Variants in TDG observed in about 807,000 individuals in gnomAD.
TDG encodes the protein G/T mismatch-specific thymine DNA glycosylase.
TDG carries 23 observed loss-of-function variants against 46.1 expected under a neutral mutation model. The ratio of observed to expected loss-of-function variants is 0.50; its 90% CI spans 0.36 to 0.71. The LOEUF is 0.71. Among genes scored for constraint, TDG ranks in the 30% least tolerant of loss-of-function variants. The probability of loss-of-function intolerance (pLI) is 0.00; values close to 1 mark genes in which losing one functional copy is unlikely to be tolerated. For missense variants in TDG, 304 were observed against 486.7 expected, an observed-to-expected ratio of 0.62 and a Z score of 3.53; for synonymous variants, 115 against 161.3, an observed-to-expected ratio of 0.71 and a Z score of 2.18.
chr12:103,981,580 A>G (rs533487173), intron 4 of TDG, among the ~76,000 whole-genome samples: 24 of 152,284 alleles, frequency 1.6e-4, no homozygotes, highest in African/African-American at 3.1e-4. Flanking sequence ...GTTGTTATCT[A>G]TAGGCATAGT....
rs2136246368 is a variant in TDG at position 103,987,542 on chromosome 12, G to A, written c.*452G>A. The A allele has an allele frequency of 6.4e-6, 1 of 155,396 alleles. No homozygotes were observed. The highest frequency in any genetic ancestry group is 2.4e-5 in the African/African-American group (1 of 41,644). 9.6% of individuals were successfully genotyped at this position (155,396 alleles called of 1,614,324 possible). A position where few individuals can be genotyped will look rare whatever the true frequency, so the allele number is the denominator to read the frequency against. On this transcript the variant is annotated 3_prime_UTR_variant, in exon 10 of 10. Coordinates refer to ENST00000392872, the MANE Select transcript of TDG (RefSeq NM_003211.6). ...TTTGTATATGAAGTTAAGCCTCAGT[G>A]GAGTCTCATTTGTTAGTTTTTAGTG...
intron 4 of TDG, among the ~76,000 whole-genome samples, chr12:103,981,318 C>T (rs956656138): frequency 1.2e-4 from 17 of 138,058 alleles, no homozygotes; most frequent in Non-Finnish European, 2.0e-4. Flanking sequence ...TCACCACAAT[C>T]TCCACCTCCC....
At chr12:103,966,208 C>T (rs1593504280) in intron 1 of TDG, 148 bp downstream of exon 1, 12 of 1,099,742 alleles carry the variant, frequency 1.1e-5, no homozygotes, top group East Asian at 6.2e-5. Flanking sequence ...CCTGGTCGGC[C>T]TTTCCTTCCC....
At chr12:103,980,697 A>G in intron 3 of TDG, 196 bp from the exon 4 acceptor site, 1 of 482,662 alleles carries the variant, frequency 2.1e-6, no homozygotes, top group Non-Finnish European at 3.6e-6. Flanking sequence ...AAACTTTTAA[A>G]ATAAAGAAAA....
At chr12:103,982,225 C>T (rs1246317068) in intron 4 of TDG, among the ~76,000 whole-genome samples, 11 of 152,248 alleles carry the variant, frequency 7.2e-5, no homozygotes, top group Non-Finnish European at 1.6e-4. Flanking sequence ...CTAATAATAA[C>T]ATATTGTCCC....
chr12:103,970,969 A>G (rs187254201), intron 1 of TDG, among the ~76,000 whole-genome samples: 5 of 152,322 alleles, frequency 3.3e-5, no homozygotes, highest in African/African-American at 4.8e-5. Context: ...TTAAAAAATG[A>G]TACAGATAAA....
chr12:103,976,901 C>T lies in TDG; in HGVS notation c.24-17C>T, dbSNP rs4135084. The T allele has an allele frequency of 1.3e-4, 212 of 1,611,288 alleles. 3 individuals are homozygous for T. In the Admixed American group the frequency reaches 3.5e-3, roughly 27 times the overall value. On this transcript the variant is annotated splice_polypyrimidine_tract_variant and intron_variant, in intron 1 of 9. Transcript: ENST00000392872. The stretch of plus-strand genomic sequence containing the variant: ...GGTAATTTTATCATTACATCTCATG[C>T]TTCATTATTCTTTCAGCTATTCCCT...
chr12:103,979,401 G>A (rs965837801), intron 2 of TDG, among the ~76,000 whole-genome samples: 6 of 151,994 alleles, frequency 3.9e-5, no homozygotes, highest in African/African-American at 1.5e-4. Flanking sequence ...ACCATACCTG[G>A]CCCATTTGTG....
Position 103,983,057 on chromosome 12 carries a change from C to T in TDG, c.615-79C>T, listed in dbSNP as rs369353447. The T allele has an allele frequency of 1.9e-5, 29 of 1,550,310 alleles. No homozygotes were observed. The African/African-American group carries it at 3.0e-4, about 16-fold the overall frequency. On this transcript the variant is annotated intron_variant, in intron 5 of 9. Coordinates refer to ENST00000392872, the MANE Select transcript of TDG (RefSeq NM_003211.6). ...TCAACAAATGTACAATATGCTCTTT[C>T]ATTGAAAGCTGTCTGAATTTAGCAT...
At chr12:103,985,966 C>T (rs1383817388) in intron 9 of TDG, among the ~76,000 whole-genome samples, 1 of 152,134 alleles carries the variant, frequency 6.6e-6, no homozygotes, top group African/African-American at 2.4e-5. Flanking sequence ...GTCACCCAGG[C>T]TAGAGTGCAG....
At chr12:103,983,259 T>TA (rs1871953662) in intron 6 of TDG, 36 bp from the exon 7 acceptor site, 1 of 1,572,002 alleles carries the variant, frequency 6.4e-7, no homozygotes, top group African/African-American at 1.4e-5. Flanking sequence ...TTGCTAACAT[T>TA]ATGGGCAATG....
chr12:103,984,608 T>C (rs1872014696), intron 7 of TDG, 141 bp from the exon 8 acceptor site: 1 of 593,018 alleles, frequency 1.7e-6, no homozygotes, highest in Non-Finnish European at 2.4e-6. Context: ...TAAAAGCAAC[T>C]ACTTTTATTG....
At chr12:103,971,727 G>A (rs1317118880) in intron 1 of TDG, among the ~76,000 whole-genome samples, 4 of 152,174 alleles carry the variant, frequency 2.6e-5, no homozygotes, top group African/African-American at 9.7e-5. Context: ...GGGAAGAAAA[G>A]TGAACGAAGA....
At position 103,970,821 on chromosome 12, in the gene TDG, G is replaced by A. The variant is rs778080036; in HGVS notation, c.23+4761G>A. On this transcript the variant is annotated intron_variant, in intron 1 of 9. Transcript: ENST00000392872. ...CTGGACTTCTTAATGAACTCTATGC[G>A]TGGAGTGTGTGTATGTGTGTTTTGA... Among the ~76,000 whole-genome samples the A allele has an allele frequency of 1.2e-4, 18 of 152,176 alleles. 1 individual carries two copies. The highest frequency in any genetic ancestry group is 6.8e-3 in the Middle Eastern group (2 of 294).
chr12:103,983,852 T>G (rs749153239), intron 7 of TDG, among the ~76,000 whole-genome samples: 13 of 152,346 alleles, frequency 8.5e-5, no homozygotes, highest in South Asian at 4.1e-4. Context: ...CCAACCTAAC[T>G]GGCATTCAAT....
chr12:103,985,091 A>G (rs1050682245), intron 8 of TDG, among the ~76,000 whole-genome samples, 171 bp downstream of exon 8: 2 of 151,306 alleles, frequency 1.3e-5, no homozygotes, highest in Non-Finnish European at 2.9e-5. Flanking sequence ...ACACATAAGT[A>G]TGTATGTCTA....
rs1249205930 is a variant in TDG, at chr12:103,988,318, C to A, written c.*1228C>A. 2 of 152,626 alleles carry A rather than the reference C, an allele frequency of 1.3e-5. No individual in the cohort carries two copies. The highest frequency in any genetic ancestry group is 2.9e-5 in the Non-Finnish European group (2 of 68,022). 9.5% of individuals were successfully genotyped at this position (152,626 alleles called of 1,614,324 possible). On this transcript the variant is annotated 3_prime_UTR_variant, in exon 10 of 10. Coordinates refer to ENST00000392872, the MANE Select transcript of TDG (RefSeq NM_003211.6). ...ATATAAAATATTTATGAGGTCTCCC[C>A]CACCCCCAGGAGGTTATATGATTGC...
chr12:103,970,289 G>C (rs551865129), intron 1 of TDG, among the ~76,000 whole-genome samples: 1 of 152,196 alleles, frequency 6.6e-6, no homozygotes, highest in Non-Finnish European at 1.5e-5. Context: ...ACTAGCCTGG[G>C]CAACATAGTG....
intron 8 of TDG, 138 bp downstream of exon 8, chr12:103,985,058 T>TAC: frequency 2.2e-6 from 1 of 455,674 alleles, no homozygotes; most frequent in Non-Finnish European, 3.2e-6. Context: ...CGTGTATATA[T>TAC]ACATGTGTAT....
Sources: allele counts gnomAD v4.1 joint callset (sites outside exome capture counted in the v4.1 genomes callset), GRCh38; gene constraint gnomAD v4.1.1; transcripts MANE v1.5; gene names NCBI Gene and HGNC (gene_info 2026-07-23, HGNC 2026-07-21).